The following SPATA1 variants were observed in gnomAD, a reference collection of about 807,000 sequenced individuals.
The protein encoded by SPATA1 is spermatogenesis associated 1, also known as spermatogenesis-associated protein 1.
In SPATA1, 57 loss-of-function variants were observed where a neutral mutation model predicts 59.6. The observed-to-expected ratio is 0.96, with a 90% confidence interval of 0.77 to 1.19. SPATA1 has a LOEUF of 1.19. Ranked by LOEUF, SPATA1 falls within the 50% of genes most tolerant of loss-of-function variation. The pLI is 0.00. For synonymous variants in SPATA1, 147 were observed against 163.9 expected (o/e 0.90, Z 0.79); for missense variants, 448 against 480.7 (o/e 0.93, Z 0.64).
At chr1:84,531,521 C>A (rs1157215022) in intron 6 of SPATA1, among the ~76,000 whole-genome samples, 1 of 151,098 alleles carries the variant, frequency 6.6e-6, no homozygotes, top group East Asian at 2.0e-4. Context: ...ATTGTAGCAG[C>A]CAAACAAAAA....
chr1:84,511,917 G>A (rs1682582095), intron 1 of SPATA1, among the ~76,000 whole-genome samples: 1 of 152,002 alleles, frequency 6.6e-6, no homozygotes, highest in African/African-American at 2.4e-5. Context: ...CCCGACCTCA[G>A]GGGATCCACC....
At chr1:84,542,587 T>C (rs1395068140) in intron 8 of SPATA1, among the ~76,000 whole-genome samples, 1 of 152,210 alleles carries the variant, frequency 6.6e-6, no homozygotes, top group Non-Finnish European at 1.5e-5. Flanking sequence ...ATTATTTATG[T>C]ACAGTGCTGA....
intron 6 of SPATA1, among the ~76,000 whole-genome samples, chr1:84,527,853 C>CCTAA (rs1683294928): frequency 6.6e-6 from 1 of 152,122 alleles, no homozygotes; most frequent in Admixed American, 6.5e-5. Flanking sequence ...CCTCAGCCTC[C>CCTAA]CTAAGTACCT....
chr1:84,558,912 GAAT>G (rs1407776681), downstream of SPATA1, among the ~76,000 whole-genome samples: 1 of 151,748 alleles, frequency 6.6e-6, no homozygotes, highest in Non-Finnish European at 1.5e-5. Context: ...AAAAAAAGAA[GAAT>G]GTGTTCCTGC....
intron 4 of SPATA1, chr1:84,563,151 T>C (rs1467851229): frequency 1.4e-6 from 1 of 713,268 alleles, no homozygotes; most frequent in Non-Finnish European, 2.1e-6. Flanking sequence ...CTGCATGTTA[T>C]GCCCTAAAAG....
chr1:84,544,014 G>A (rs1403698923), intron 8 of SPATA1, among the ~76,000 whole-genome samples, 188 bp from the exon 9 acceptor site: 1 of 152,084 alleles, frequency 6.6e-6, no homozygotes, highest in African/African-American at 2.4e-5. Flanking sequence ...TGTTTATAAT[G>A]TCCAAGTAAT....
intron 4 of SPATA1, 41 bp downstream of exon 4, chr1:84,522,548 T>C: frequency 9.7e-7 from 1 of 1,028,456 alleles, no homozygotes; most frequent in Non-Finnish European, 1.4e-6. Flanking sequence ...AGAAAGACCA[T>C]ACCTTCTCAA....
chr1:84,545,644 T>G, exon 10 of SPATA1: 1 of 1,511,962 alleles, frequency 6.6e-7, no homozygotes, highest in East Asian at 2.5e-5. Context: ...GAGAGAAGAT[T>G]ATCAAACAAA....
At chr1:84,560,112 AGAAAGAAAGAAAGAAAGAAAG>A (rs1352321797) in intron 4 of SPATA1, among the ~76,000 whole-genome samples, 12 of 148,534 alleles carry the variant, frequency 8.1e-5, no homozygotes, top group South Asian at 4.2e-4. Context: ...AAAGAAAGAA[AGAAAGAAAGAAAGAAAGAAAG>A]GAAAGAAAGA....
chr1:84,507,951 G>T (rs56004476), intron 1 of SPATA1, among the ~76,000 whole-genome samples: 1 of 151,938 alleles, frequency 6.6e-6, no homozygotes, highest in African/African-American at 2.4e-5. Flanking sequence ...TTTTTGTAGC[G>T]TGTGTTTAAA....
chr1:84,531,393 C>A (rs1037152038), intron 6 of SPATA1, among the ~76,000 whole-genome samples: 18 of 151,794 alleles, frequency 1.2e-4, no homozygotes, highest in African/African-American at 4.1e-4. Context: ...GAACTTCTGA[C>A]CTCAAGTGAT....
intron 9 of SPATA1, 149 bp downstream of exon 9, chr1:84,544,453 T>C (rs1684016286): frequency 1.6e-6 from 1 of 618,532 alleles, no homozygotes; most frequent in South Asian, 2.0e-5. Context: ...TTCACAACAG[T>C]GTGAATGTTG....
intron 4 of SPATA1, among the ~76,000 whole-genome samples, chr1:84,564,334 G>C (rs1027055153): frequency 6.6e-6 from 1 of 152,148 alleles, no homozygotes; most frequent in Non-Finnish European, 1.5e-5. Flanking sequence ...AGAGAAAAAT[G>C]AACAAATCCC....
intron 6 of SPATA1, among the ~76,000 whole-genome samples, chr1:84,527,146 G>A (rs1345501438): frequency 3.3e-5 from 5 of 152,190 alleles, no homozygotes; most frequent in African/African-American, 1.2e-4. Flanking sequence ...AACTGATTAA[G>A]AACTACTATA....
In SPATA1 at chr1:84,520,837, T is replaced by A. The variant is rs191519564; in HGVS notation, c.143+146T>A. 3.0e-4 allele frequency: 191 copies of A among 630,822 alleles called. 2 individuals are homozygous for A. The highest frequency in any genetic ancestry group is 5.0e-4 in the Non-Finnish European group (182 of 364,590). The allele number at this position is 630,822 out of a possible 1,614,324, so 39.1% of individuals were successfully genotyped here. On this transcript the variant is annotated intron_variant, in intron 3 of 12. Coordinates refer to ENST00000490879, the Ensembl canonical transcript of SPATA1. Reference sequence around the variant, plus strand: ...CCATTTCCTGACTTAATGAATACTATCAATATATAGTGCTATGTAACAATT... The same window carrying A: ...CCATTTCCTGACTTAATGAATACTAACAATATATAGTGCTATGTAACAATT...
intron 6 of SPATA1, among the ~76,000 whole-genome samples, chr1:84,530,330 G>A (rs1683419869): frequency 2.0e-5 from 3 of 152,110 alleles, no homozygotes; most frequent in Admixed American, 2.0e-4. Flanking sequence ...TTAATGGTGG[G>A]GTTAGTTCAG....
chr1:84,563,244 C>T lies in SPATA1; in HGVS notation n.443-2617C>T, dbSNP rs376006621. 8.9e-5 allele frequency: 128 copies of T among 1,441,132 alleles called. No individual in the cohort carries two copies. The African/African-American group carries it at 1.0e-3, about 11-fold the overall frequency. 89.3% of individuals were successfully genotyped at this position (1,441,132 alleles called of 1,614,324 possible). On this transcript the variant is annotated intron_variant and non_coding_transcript_variant, in intron 4 of 4. Transcript: ENST00000460286. ...TAATAGAATAAATGCTCATAACTTA[C>T]GAAAAGTCTTACTTTATAGTTATAA... is the stretch of plus-strand genomic sequence containing the variant.
chr1:84,547,607 G>C (rs1286634535), intron 10 of SPATA1, among the ~76,000 whole-genome samples: 1 of 152,158 alleles, frequency 6.6e-6, no homozygotes, highest in African/African-American at 2.4e-5. Context: ...TTCAGAGAAA[G>C]TATCTCTGAG....
exon 4 of SPATA1, chr1:84,522,430 C>T: frequency 6.5e-7 from 1 of 1,528,022 alleles, no homozygotes; most frequent in South Asian, 1.3e-5. Context: ...GAGGGAGCGT[C>T]TTGGTGAGTT....
Sources: gnomAD v4.1 joint callset for allele counts (sites outside exome capture counted in the v4.1 genomes callset) on GRCh38, gnomAD v4.1.1 for gene constraint, MANE v1.5 for transcripts, NCBI Gene and HGNC (gene_info 2026-07-23, HGNC 2026-07-21) for gene names.